Variants in TFCP2 observed in about 807,000 individuals in gnomAD.
TFCP2 encodes transcription factor CP2.
A neutral mutation model predicts 73.4 loss-of-function variants in TFCP2; 33 were observed. The ratio of observed to expected loss-of-function variants is 0.45; its 90% confidence interval spans 0.34 to 0.60. TFCP2 has a LOEUF of 0.60. TFCP2 is among the 20% of genes least tolerant of loss of function. TFCP2 has a pLI of 0.01. For synonymous variants in TFCP2, 193 were observed against 211.6 expected, an observed-to-expected ratio of 0.91 and a Z score of 0.76; for missense variants, 352 against 604.0, an observed-to-expected ratio of 0.58 and a Z score of 4.37.
intron 1 of TFCP2, chr12:51,125,442 C>CA: frequency 2.0e-5 from 8 of 391,006 alleles, no homozygotes; most frequent in South Asian, 1.4e-4. Flanking sequence ...CACCTGCTTC[C>CA]ACTCTGACCT....
At chr12:51,125,004 C>G (rs3751275) in intron 1 of TFCP2, 162,888 of 732,034 alleles carry the variant, frequency 0.22, 24,375 homozygotes, top group East Asian at 0.68. Context: ...GATAACTTCT[C>G]CAGCATCAAA....
intron 1 of TFCP2, among the ~76,000 whole-genome samples, chr12:51,136,920 G>A (rs748936464): frequency 2.6e-5 from 4 of 152,100 alleles, no homozygotes; most frequent in South Asian, 2.1e-4. Flanking sequence ...ATTTCAGCCC[G>A]GACGACAGAG....
Position 51,111,125 on chromosome 12 carries a change from T to C in TFCP2, c.458-142A>G. ...TAAATTTCTTTGTTTTTTTTTTTTG[T>C]CGTTGTTGTTGTTTTTTATGGAGTC... On this transcript the variant is annotated intron_variant, in intron 4 of 14. Transcript: ENST00000257915. 1.2e-5 allele frequency: 7 copies of C among 607,466 alleles called. No homozygotes were observed. In the South Asian group the frequency reaches 1.4e-4, roughly 12 times the overall value. 37.6% of individuals were successfully genotyped at this position (607,466 alleles called of 1,614,324 possible).
intron 13 of TFCP2, among the ~76,000 whole-genome samples, chr12:51,097,798 C>T (rs1467837788): frequency 6.6e-6 from 1 of 151,978 alleles, no homozygotes; most frequent in Non-Finnish European, 1.5e-5. Flanking sequence ...GGGTTGATCA[C>T]TTGAGGCCAG....
chr12:51,102,722 C>G (rs1940140229), intron 10 of TFCP2, among the ~76,000 whole-genome samples: 1 of 152,030 alleles, frequency 6.6e-6, no homozygotes, highest in South Asian at 2.1e-4. Flanking sequence ...GACTCCGTCT[C>G]AAAAAATAAA....
chr12:51,095,979 TTAC>T lies in TFCP2; in HGVS notation c.1471+7_1471+9del, dbSNP rs756294902. 1 of 1,611,674 alleles carries T rather than the reference TTAC, an allele frequency of 6.2e-7. No individual in the cohort carries two copies. The highest frequency in any genetic ancestry group is 8.5e-7 in the Non-Finnish European group (1 of 1,178,564). ...AACTGCTTAGAGAAAGATGTTTGTC[TTAC>T]TATTACCTTTCATTGTGTCCAGAAT... On this transcript the variant is annotated splice_region_variant and intron_variant, in intron 14 of 14. Transcript: ENST00000257915.
In TFCP2 at chr12:51,095,203, A is replaced by G. The variant is rs1357451162; in HGVS notation, c.*38T>C. ...TTCAAGAGGGCCGTTTTCAGAGGTG[A>G]AGGAAGGAGCAGCCACTGGGCACGA... is the stretch of plus-strand genomic sequence containing the variant. On this transcript the variant is annotated 3_prime_UTR_variant, in exon 15 of 15. Transcript: ENST00000257915. The G allele has an allele frequency of 6.2e-7, 1 of 1,611,580 alleles. No homozygotes were observed. The highest frequency in any genetic ancestry group is 1.1e-5 in the South Asian group (1 of 91,056).
intron 1 of TFCP2, among the ~76,000 whole-genome samples, chr12:51,170,966 C>T (rs895537261): frequency 6.6e-6 from 1 of 152,186 alleles, no homozygotes; most frequent in African/African-American, 2.4e-5. Flanking sequence ...GCATGAGCCA[C>T]CGTGCCCGGC....
chr12:51,117,239 T>C (rs1238141769), intron 3 of TFCP2, among the ~76,000 whole-genome samples: 2 of 152,218 alleles, frequency 1.3e-5, no homozygotes, highest in Non-Finnish European at 2.9e-5. Flanking sequence ...CTCCTCTGTT[T>C]CAACTGTGCT....
At chr12:51,115,139 T>G (rs1248348892) in intron 4 of TFCP2, among the ~76,000 whole-genome samples, 12 of 115,366 alleles carry the variant, frequency 1.0e-4, no homozygotes, top group Admixed American at 9.5e-4. Flanking sequence ...TTTTTTTTTT[T>G]GAGAGAGTCT....
chr12:51,134,068 A>C (rs1284373438), intron 1 of TFCP2, among the ~76,000 whole-genome samples: 1 of 152,196 alleles, frequency 6.6e-6, no homozygotes, highest in Non-Finnish European at 1.5e-5. Flanking sequence ...TGTGTGTAAC[A>C]ATCAGTGTAG....
At chr12:51,136,734 G>T (rs73305721) in intron 1 of TFCP2, among the ~76,000 whole-genome samples, 1 of 152,110 alleles carries the variant, frequency 6.6e-6, no homozygotes, top group African/African-American at 2.4e-5. Flanking sequence ...TCAGGAGTTT[G>T]AAACTAGTCT....
chr12:51,161,757 T>A (rs1592840937), intron 1 of TFCP2, among the ~76,000 whole-genome samples: 1 of 31,724 alleles, frequency 3.2e-5, no homozygotes, highest in Admixed American at 5.6e-4. Context: ...CAAGACTCCA[T>A]ATCAAAAAAA....
At chr12:51,111,442 A>G (rs1940397211) in intron 4 of TFCP2, among the ~76,000 whole-genome samples, 1 of 151,996 alleles carries the variant, frequency 6.6e-6, no homozygotes, top group Non-Finnish European at 1.5e-5. Flanking sequence ...CACTGTGCCC[A>G]GCCCACACCT....
At chr12:51,151,178 C>T (rs115575086) in intron 1 of TFCP2, among the ~76,000 whole-genome samples, 66 of 152,238 alleles carry the variant, frequency 4.3e-4, no homozygotes, top group African/African-American at 1.5e-3. Flanking sequence ...AGACCAGGTG[C>T]GGCTGCAGCA....
rs114254658 is a variant in TFCP2, at chr12:51,138,267, G to T, written c.123-19495C>A. On this transcript the variant is annotated intron_variant, in intron 1 of 14. Coordinates refer to ENST00000257915, the MANE Select transcript of TFCP2 (RefSeq NM_005653.5). ...AGTGATTCTCCCGCCTCGGCCTGTC[G>T]AGTAGCTGGGATTACAGGCGCACTC... Among the ~76,000 whole-genome samples the T allele has an allele frequency of 5.9e-3, 899 of 151,860 alleles. 6 individuals are homozygous for T. Among genetic ancestry groups the T allele is most frequent in the African/African-American group, 0.019 (788 of 41,396 alleles).
At chr12:51,152,493 G>A (rs895793275) in intron 1 of TFCP2, among the ~76,000 whole-genome samples, 22 of 152,180 alleles carry the variant, frequency 1.4e-4, no homozygotes, top group African/African-American at 5.1e-4. Context: ...ATAGCATTGT[G>A]TCAGCGTTAA....
At chr12:51,113,234 A>C (rs957058449) in intron 4 of TFCP2, among the ~76,000 whole-genome samples, 1 of 152,206 alleles carries the variant, frequency 6.6e-6, no homozygotes, top group East Asian at 1.9e-4. Flanking sequence ...ATGAGAACCA[A>C]TGTTTTCTCA....
chr12:51,122,191 T>C (rs373102691), intron 1 of TFCP2, among the ~76,000 whole-genome samples: 14 of 152,240 alleles, frequency 9.2e-5, no homozygotes, highest in East Asian at 3.9e-4. Context: ...ATGTTATTAT[T>C]TGAATCCAGA....
Sources: gnomAD v4.1 joint callset for allele counts (sites outside exome capture counted in the v4.1 genomes callset) on GRCh38, gnomAD v4.1.1 for gene constraint, MANE v1.5 for transcripts, NCBI Gene and HGNC (gene_info 2026-07-23, HGNC 2026-07-21) for gene names.